Variants in CDH18 observed in about 807,000 individuals in gnomAD.
The protein encoded by CDH18 is cadherin-18.
CDH18 carries 31 observed loss-of-function variants against 67.9 expected under a neutral mutation model. The ratio of observed to expected loss-of-function variants is 0.46; its 90% CI spans 0.34 to 0.62. The LOEUF (loss-of-function observed/expected upper bound fraction) is 0.62. Ranked by LOEUF, CDH18 falls within the 20% of genes least tolerant of loss-of-function variation. CDH18 has a pLI of 0.01. For synonymous variants in CDH18, 362 were observed against 347.2 expected (o/e 1.04, Z -0.48); for missense variants, 890 against 975.5 (o/e 0.91, Z 1.17).
chr5:19,618,233 C>A (rs1750147095), intron 5 of CDH18, among the ~76,000 whole-genome samples: 2 of 151,370 alleles, frequency 1.3e-5, no homozygotes, highest in South Asian at 2.1e-4. Context: ...TGAGACAGAG[C>A]CTCACTCTGT....
chr5:20,172,222 A>ATACATATATATATACATATATATACG (rs1561848652), intron 2 of CDH18, among the ~76,000 whole-genome samples: 1 of 39,670 alleles, frequency 2.5e-5, no homozygotes, highest in African/African-American at 9.8e-5. Flanking sequence ...ATATATATAT[A>ATACATATATATATACATATATATACG]TGTATATATA....
At chr5:20,028,687 C>A (rs1004849392) in intron 2 of CDH18, among the ~76,000 whole-genome samples, 1 of 152,028 alleles carries the variant, frequency 6.6e-6, no homozygotes, top group African/African-American at 2.4e-5. Context: ...GCAAATACAG[C>A]GTGGATAAGC....
chr5:20,085,301 C>T (rs1440690193), intron 2 of CDH18, among the ~76,000 whole-genome samples: 1 of 152,144 alleles, frequency 6.6e-6, no homozygotes, highest in Non-Finnish European at 1.5e-5. Context: ...CTCCAGTTCC[C>T]ACCAAGTCCC....
At chr5:19,847,673 C>A (rs1196237291) in intron 2 of CDH18, among the ~76,000 whole-genome samples, 1 of 151,904 alleles carries the variant, frequency 6.6e-6, no homozygotes, top group African/African-American at 2.4e-5. Flanking sequence ...TTGGTATCTG[C>A]GTATTTGAAA....
intron 1 of CDH18, among the ~76,000 whole-genome samples, chr5:20,565,282 AGTTGTT>A (rs4002055): frequency 2.0e-5 from 3 of 151,284 alleles, no homozygotes; most frequent in East Asian, 3.9e-4. Flanking sequence ...ATAGACCTAA[AGTTGTT>A]GTTGTTGTTG....
chr5:19,661,623 A>G (rs539050655), intron 5 of CDH18, among the ~76,000 whole-genome samples: 2 of 152,186 alleles, frequency 1.3e-5, no homozygotes, highest in African/African-American at 4.8e-5. Flanking sequence ...AAAATAAAAT[A>G]AAAAATACAG....
At chr5:20,100,296 T>G (rs533890613) in intron 2 of CDH18, among the ~76,000 whole-genome samples, 2 of 152,292 alleles carry the variant, frequency 1.3e-5, no homozygotes, top group Admixed American at 1.3e-4. Context: ...TATTTTATTT[T>G]CAGAATTCCT....
chr5:19,995,185 A>G (rs1735906249), intron 2 of CDH18, among the ~76,000 whole-genome samples: 1 of 151,966 alleles, frequency 6.6e-6, no homozygotes, highest in Admixed American at 6.6e-5. Context: ...CCTTGGACAC[A>G]CTTTGAAGTA....
chr5:19,641,914 C>G (rs1355479154), intron 5 of CDH18, among the ~76,000 whole-genome samples: 3 of 151,806 alleles, frequency 2.0e-5, no homozygotes, highest in Non-Finnish European at 4.4e-5. Flanking sequence ...CCTTTATTTT[C>G]AGGTCCTCTG....
intron 1 of CDH18, among the ~76,000 whole-genome samples, chr5:20,574,360 T>A (rs945418673): frequency 1.3e-5 from 2 of 151,990 alleles, no homozygotes; most frequent in African/African-American, 4.8e-5. Context: ...AACAACATAT[T>A]AAAAAGTTTT....
intron 5 of CDH18, among the ~76,000 whole-genome samples, chr5:19,626,550 T>G (rs1407766740): frequency 6.6e-6 from 1 of 152,128 alleles, no homozygotes; most frequent in African/African-American, 2.4e-5. Flanking sequence ...AAGAGTGGCC[T>G]TGGATTCCTT....
intron 4 of CDH18, among the ~76,000 whole-genome samples, chr5:19,736,449 T>A (rs1429898474): frequency 1.3e-5 from 2 of 152,178 alleles, no homozygotes; most frequent in Admixed American, 1.3e-4. Context: ...CGGAATAATA[T>A]TCTAGTAAAT....
intron 1 of CDH18, among the ~76,000 whole-genome samples, chr5:20,374,614 T>G (rs1378029257): frequency 1.1e-4 from 16 of 152,216 alleles, no homozygotes; most frequent in Admixed American, 1.0e-3. Flanking sequence ...TTTAGACCAA[T>G]TCAATATAAA....
intron 5 of CDH18, among the ~76,000 whole-genome samples, chr5:19,631,254 T>C (rs1234522910): frequency 6.6e-6 from 1 of 152,082 alleles, no homozygotes; most frequent in Non-Finnish European, 1.5e-5. Flanking sequence ...TGAGAAGATG[T>C]AACAAATGCA....
chr5:20,570,405 C>T (rs1405133673), intron 1 of CDH18, among the ~76,000 whole-genome samples: 3 of 151,904 alleles, frequency 2.0e-5, no homozygotes, highest in Non-Finnish European at 4.4e-5. Context: ...TTTGCTTTGC[C>T]TGTCGTAAAA....
chr5:20,018,516 GT>G (rs1403041321), intron 2 of CDH18, among the ~76,000 whole-genome samples: 1 of 152,144 alleles, frequency 6.6e-6, no homozygotes, highest in Non-Finnish European at 1.5e-5. Context: ...TGTACATAAA[GT>G]ATGCCATTTT....
chr5:20,485,808 T>C (rs1166366941), intron 1 of CDH18, among the ~76,000 whole-genome samples: 7 of 152,198 alleles, frequency 4.6e-5, no homozygotes, highest in Non-Finnish European at 7.3e-5. Context: ...AGGAAAAACA[T>C]GTCATAGTTA....
intron 2 of CDH18, among the ~76,000 whole-genome samples, chr5:20,188,748 A>G (rs531334601): frequency 1.3e-4 from 19 of 151,724 alleles, no homozygotes; most frequent in Middle Eastern, 6.8e-3. Context: ...AGTTTGATCC[A>G]AGCACAAAAC....
At chr5:19,811,076 G>GAAA (rs1224897845) in intron 3 of CDH18, among the ~76,000 whole-genome samples, 2 of 116,962 alleles carry the variant, frequency 1.7e-5, no homozygotes, top group African/African-American at 6.4e-5. Context: ...GGGAGAAAGA[G>GAAA]AAAAAGAAAG....
Sources: gnomAD v4.1 joint callset for allele counts (sites outside exome capture counted in the v4.1 genomes callset) on GRCh38, gnomAD v4.1.1 for gene constraint, MANE v1.5 for transcripts, NCBI Gene and HGNC (gene_info 2026-07-23, HGNC 2026-07-21) for gene names.